Variants in RRM1 observed in about 807,000 individuals in gnomAD.
RRM1 encodes the protein ribonucleoside-diphosphate reductase large subunit.
In RRM1, 19 loss-of-function variants were observed where a neutral mutation model predicts 101.5. That is an observed-to-expected ratio of 0.19 (90% CI 0.13 to 0.27). RRM1 has a LOEUF of 0.27. Ranked by LOEUF, RRM1 falls within the 10% of genes least tolerant of loss-of-function variation. The pLI is 1.00. For synonymous variants in RRM1, 298 were observed against 323.4 expected, an observed-to-expected ratio of 0.92 and a Z score of 0.84; for missense variants, 500 against 962.9, an observed-to-expected ratio of 0.52 and a Z score of 6.36.
intron 15 of RRM1, 75 bp downstream of exon 15, chr11:4,129,225 T>A: frequency 6.0e-6 from 5 of 837,588 alleles, no homozygotes; most frequent in Non-Finnish European, 9.8e-6. Flanking sequence ...AGAAGTTAGA[T>A]ATGTCATTTT....
rs192149579 is a variant in RRM1 at position 4,106,158 on chromosome 11, A to G, written c.221A>G (p.Tyr74Cys). The G allele has an allele frequency of 4.3e-6, 7 of 1,613,990 alleles. No homozygotes were observed. Among genetic ancestry groups the G allele is most frequent in the South Asian group, 1.1e-5 (1 of 91,076 alleles). Residue 74 changes from tyrosine (Y) to cysteine (C), a missense_variant, in exon 3 of 19, where the codon TAT (tyrosine) becomes TGT (cysteine). Transcript: ENST00000300738. Reference sequence around the variant, plus strand: ...ACCTTGACTACTAAGCACCCTGACTATGCTATCCTGGCAGCCAGGATCGCT... The same window carrying G: ...ACCTTGACTACTAAGCACCCTGACTGTGCTATCCTGGCAGCCAGGATCGCT... ...AATLTTKHPD[Y>C]AILAARIAVS...
intron 1 of RRM1, 84 bp downstream of exon 1, chr11:4,095,115 C>A (rs1354834930): frequency 1.4e-6 from 2 of 1,453,440 alleles, no homozygotes; most frequent in Admixed American, 2.0e-5. Context: ...ACCGCCCGCC[C>A]GCCTTCGCTG....
At chr11:4,130,361 G>T in intron 15 of RRM1, among the ~76,000 whole-genome samples, 1 of 151,796 alleles carries the variant, frequency 6.6e-6, no homozygotes, top group Admixed American at 6.6e-5. Context: ...TTTGCAGATA[G>T]GTACACATAC....
chr11:4,101,381 C>T (rs1441943342), intron 1 of RRM1, among the ~76,000 whole-genome samples: 3 of 151,576 alleles, frequency 2.0e-5, no homozygotes, highest in Non-Finnish European at 4.4e-5. Flanking sequence ...GGCGTGATCT[C>T]AGCTCACTGC....
intron 3 of RRM1, 189 bp downstream of exon 3, chr11:4,106,412 A>G: frequency 1.7e-6 from 1 of 589,642 alleles, no homozygotes; most frequent in Non-Finnish European, 3.0e-6. Flanking sequence ...CAGCCTGGGC[A>G]ATGTGGCGAA....
At chr11:4,122,695 A>T (rs1327751324) in intron 11 of RRM1, among the ~76,000 whole-genome samples, 1 of 152,240 alleles carries the variant, frequency 6.6e-6, no homozygotes. Flanking sequence ...CAACATGGTG[A>T]AACCCTGTCT....
At chr11:4,110,927 T>C (rs533345264) in intron 5 of RRM1, among the ~76,000 whole-genome samples, 1 of 152,240 alleles carries the variant, frequency 6.6e-6, no homozygotes, top group South Asian at 2.1e-4. Flanking sequence ...CGAGTGTATA[T>C]GTTGCTTAGA....
chr11:4,127,571 A>G (rs1191886627), intron 14 of RRM1, among the ~76,000 whole-genome samples: 1 of 152,196 alleles, frequency 6.6e-6, no homozygotes, highest in South Asian at 2.1e-4. Flanking sequence ...ACTAGAAGTT[A>G]TAAGAGGCAA....
chr11:4,132,925 AGTAAAGTTCT>A lies in RRM1; in HGVS notation c.1905+514_1905+523del, dbSNP rs765714224. Among the ~76,000 whole-genome samples the A allele has an allele frequency of 3.3e-4, 50 of 152,334 alleles. No homozygotes were observed. Among genetic ancestry groups the A allele is most frequent in the Non-Finnish European group, 6.2e-4 (42 of 68,028 alleles). On this transcript the variant is annotated intron_variant, in intron 16 of 18. Coordinates refer to ENST00000300738, the MANE Select transcript of RRM1 (RefSeq NM_001033.5). The surrounding 1 kb of genome is among the most constrained non-coding windows in gnomAD (Gnocchi z 4.1). ...ATTTGTGAATTTCCAGATATCTTGAAGTAAAGTTCTGTAAAGTTCGAGAAGGATACGTTTC... is the reference window on the plus strand; with the variant it reads ...ATTTGTGAATTTCCAGATATCTTGAAGTAAAGTTCGAGAAGGATACGTTTC...
intron 7 of RRM1, among the ~76,000 whole-genome samples, chr11:4,113,695 G>C (rs1042918441): frequency 2.6e-5 from 4 of 152,178 alleles, no homozygotes; most frequent in Non-Finnish European, 4.4e-5. Flanking sequence ...ACACACATAG[G>C]ATATATGGCA....
intron 18 of RRM1, chr11:4,137,273 T>C (rs989079158): frequency 3.4e-5 from 8 of 238,678 alleles, no homozygotes; most frequent in Non-Finnish European, 5.8e-5. Flanking sequence ...CCGTTCTCAA[T>C]GAGCTGTTGG....
chr11:4,115,038 A>G (rs1006122595), intron 7 of RRM1, among the ~76,000 whole-genome samples: 4 of 152,178 alleles, frequency 2.6e-5, no homozygotes, highest in African/African-American at 9.7e-5. Context: ...AAATTTCTCT[A>G]AAACATGATT....
At chr11:4,129,818 A>T (rs2094596037) in intron 15 of RRM1, among the ~76,000 whole-genome samples, 1 of 151,536 alleles carries the variant, frequency 6.6e-6, no homozygotes, top group African/African-American at 2.4e-5. Context: ...AATGCTCTTT[A>T]AAAAAAATAA....
chr11:4,113,068 G>C (rs2094567784), intron 7 of RRM1, among the ~76,000 whole-genome samples: 1 of 151,862 alleles, frequency 6.6e-6, no homozygotes, highest in South Asian at 2.1e-4. Context: ...CAGGATTAAT[G>C]ATGATGCCAT....
chr11:4,102,073 G>A lies in RRM1; in HGVS notation c.100G>A (p.Val34Ile). ...KLCYGLNMDF[V>I]DPAQITMKVI... is the part of the protein sequence containing the mutation. ...TTGTTATGGACTCAATATGGATTTT[G>A]TTGATCCTGTAAGTAAATATGGTTT... The change falls in exon 2 of 19, where the codon GTT becomes ATT. Residue 34 changes from valine (V) to isoleucine (I), a missense_variant. By Grantham distance (29) the Val-to-Ile change is conservative. Coordinates refer to ENST00000300738, the MANE Select transcript of RRM1 (RefSeq NM_001033.5). The A allele has an allele frequency of 6.5e-7, 1 of 1,539,034 alleles. No homozygotes were observed. The highest frequency in any genetic ancestry group is 1.1e-5 in the South Asian group (1 of 87,804).
intron 15 of RRM1, among the ~76,000 whole-genome samples, chr11:4,130,817 A>G (rs1016134076): frequency 3.3e-5 from 5 of 152,190 alleles, no homozygotes; most frequent in Admixed American, 6.5e-5. Flanking sequence ...TAGTTTGAAT[A>G]TATCATATAT....
At chr11:4,121,374 T>C (rs2094581616) in intron 9 of RRM1, among the ~76,000 whole-genome samples, 1 of 152,246 alleles carries the variant, frequency 6.6e-6, no homozygotes, top group Non-Finnish European at 1.5e-5. Flanking sequence ...GAAAAGTTAA[T>C]CTTGTTTCAC....
At chr11:4,122,071 C>A in intron 10 of RRM1, 70 bp from the exon 11 acceptor site, 1 of 1,163,804 alleles carries the variant, frequency 8.6e-7, no homozygotes, top group Non-Finnish European at 1.3e-6. Flanking sequence ...CTTATGCTTG[C>A]AGTGTTTCTA....
chr11:4,103,779 C>G (rs1338086339), intron 2 of RRM1, among the ~76,000 whole-genome samples: 1 of 119,996 alleles, frequency 8.3e-6, no homozygotes, highest in Non-Finnish European at 1.7e-5. Flanking sequence ...TGCCACCACG[C>G]TATTTTTTTT....
Sources: gnomAD v4.1 joint callset for allele counts (sites outside exome capture counted in the v4.1 genomes callset) on GRCh38, gnomAD v4.1.1 for gene constraint, Gnocchi (gnomAD v3.1) non-coding constraint, MANE v1.5 for transcripts, NCBI Gene and HGNC (gene_info 2026-07-23, HGNC 2026-07-21) for gene names.